Variants in ELMO1 observed in about 807,000 individuals in gnomAD.
ELMO1 encodes engulfment and cell motility 1.
A neutral mutation model predicts 98.9 loss-of-function variants in ELMO1; 26 were observed. The ratio of observed to expected loss-of-function variants is 0.26; its 90% CI spans 0.19 to 0.36. ELMO1 has a LOEUF of 0.36. Ranked by LOEUF, ELMO1 falls within the 10% of genes least tolerant of loss-of-function variation. The pLI, the probability that ELMO1 is intolerant of heterozygous loss-of-function variation, is 1.00. For synonymous variants in ELMO1, 346 were observed against 346.0 expected, an observed-to-expected ratio of 1.00 and a Z score of 0.00; for missense variants, 627 against 935.2, an observed-to-expected ratio of 0.67 and a Z score of 4.30.
At chr7:37,216,452 G>A (rs1349315001) in intron 11 of ELMO1, among the ~76,000 whole-genome samples, 193 bp downstream of exon 11, 1 of 152,060 alleles carries the variant, frequency 6.6e-6, no homozygotes, top group African/African-American at 2.4e-5. Flanking sequence ...CCAATCCAAT[G>A]AGGCAATTCC....
intron 1 of ELMO1, among the ~76,000 whole-genome samples, chr7:37,413,658 C>T (rs1804087436): frequency 6.6e-6 from 1 of 152,132 alleles, no homozygotes; most frequent in South Asian, 2.1e-4. Flanking sequence ...CAGGAAAACA[C>T]CCTTCAGCAC....
chr7:37,437,476 G>T (rs1442619461), intron 1 of ELMO1, among the ~76,000 whole-genome samples: 1 of 152,128 alleles, frequency 6.6e-6, no homozygotes, highest in East Asian at 1.9e-4. Context: ...TTAACAGTTG[G>T]TACTTCTCCT....
At chr7:37,098,574 G>A (rs1464099963) in intron 14 of ELMO1, among the ~76,000 whole-genome samples, 2 of 152,156 alleles carry the variant, frequency 1.3e-5, no homozygotes, top group African/African-American at 4.8e-5. Flanking sequence ...CCACTGAGGT[G>A]AGCTGGGCAG....
intron 8 of ELMO1, among the ~76,000 whole-genome samples, chr7:37,225,668 T>C (rs1021111192): frequency 1.3e-5 from 2 of 152,228 alleles, no homozygotes; most frequent in African/African-American, 4.8e-5. Context: ...AAGTGAGCAG[T>C]ACTAAAAGTT....
At chr7:37,439,037 C>T (rs763531018) in intron 1 of ELMO1, among the ~76,000 whole-genome samples, 14 of 152,252 alleles carry the variant, frequency 9.2e-5, no homozygotes. Flanking sequence ...CAACCTGTCT[C>T]CTAGTTGCAT....
In ELMO1 at chr7:37,213,456, T is replaced by C. The variant is rs1793095898; in HGVS notation, c.833A>G (p.His278Arg). 2 of 1,609,478 alleles carry C rather than the reference T, an allele frequency of 1.2e-6. No homozygotes were observed. The highest frequency in any genetic ancestry group is 1.7e-6 in the Non-Finnish European group (2 of 1,178,740). Residue 278 changes from histidine (H) to arginine (R), a missense_variant and splice_region_variant, in exon 12 of 22, where the codon CAT (histidine) becomes CGT (arginine). Around this residue, in one of 3 missense-constraint regions of ELMO1, gnomAD observed 492 missense variants for 715.6 expected, o/e 0.69. Transcript: ENST00000310758. ...GATGGCCCGCTGGGCTCGGATGACA[T>C]GCTAGGGAGATGGTTCACAAATGAA... ...QKQLRSIILT[H>R]VIRAQRAINN...
chr7:37,121,881 G>A (rs1180829782), intron 14 of ELMO1, among the ~76,000 whole-genome samples: 1 of 152,200 alleles, frequency 6.6e-6, no homozygotes, highest in African/African-American at 2.4e-5. Context: ...AGGGCAGCCA[G>A]AGAGAAAGGA....
At chr7:37,352,727 C>T (rs550435045) in intron 1 of ELMO1, among the ~76,000 whole-genome samples, 1 of 152,104 alleles carries the variant, frequency 6.6e-6, no homozygotes, top group Non-Finnish European at 1.5e-5. Context: ...GAAAGTAGCC[C>T]AATTCTTTTG....
intron 15 of ELMO1, among the ~76,000 whole-genome samples, chr7:37,091,387 G>A (rs370016960): frequency 1.1e-4 from 16 of 152,286 alleles, no homozygotes; most frequent in African/African-American, 3.1e-4. Flanking sequence ...GATTACAGGC[G>A]TGAGCTACCA....
chr7:37,288,181 A>G (rs1272018641), intron 4 of ELMO1, among the ~76,000 whole-genome samples: 1 of 150,282 alleles, frequency 6.7e-6, no homozygotes, highest in Non-Finnish European at 1.5e-5. Flanking sequence ...GTGGGTCTCA[A>G]ACTCCTGACC....
intron 13 of ELMO1, among the ~76,000 whole-genome samples, chr7:37,148,750 G>A (rs572357559): frequency 6.6e-6 from 1 of 152,262 alleles, no homozygotes; most frequent in African/African-American, 2.4e-5. Context: ...CAGATATCAT[G>A]GCTCATTCTA....
chr7:37,250,710 T>C (rs1206597458), intron 6 of ELMO1, among the ~76,000 whole-genome samples: 2 of 144,768 alleles, frequency 1.4e-5, no homozygotes, highest in East Asian at 2.0e-4. Flanking sequence ...GAGAATGGCA[T>C]GAACCGGGGA....
chr7:37,264,901 C>T (rs1438125576), intron 5 of ELMO1, among the ~76,000 whole-genome samples: 1 of 152,106 alleles, frequency 6.6e-6, no homozygotes, highest in Admixed American at 6.6e-5. Context: ...TCCATGATGC[C>T]AATTAAAAAG....
At chr7:37,000,228 T>C (rs1290298710) in intron 16 of ELMO1, among the ~76,000 whole-genome samples, 14 of 152,248 alleles carry the variant, frequency 9.2e-5, no homozygotes, top group Admixed American at 7.8e-4. Context: ...CCTTTTCTAC[T>C]TCTGCTTTAA....
chr7:36,903,256 C>A (rs1192662406), intron 16 of ELMO1, among the ~76,000 whole-genome samples: 2 of 152,212 alleles, frequency 1.3e-5, no homozygotes, highest in Admixed American at 1.3e-4. Context: ...ATTTGTCAAG[C>A]CTAGGCCTAG....
At chr7:37,190,787 A>G (rs2130146422) in intron 13 of ELMO1, among the ~76,000 whole-genome samples, 1 of 152,294 alleles carries the variant, frequency 6.6e-6, no homozygotes, top group East Asian at 1.9e-4. Flanking sequence ...GGCGTGAGCC[A>G]CTGCACCCAA....
chr7:36,878,477 A>G (rs906403793), intron 18 of ELMO1, among the ~76,000 whole-genome samples: 1 of 133,280 alleles, frequency 7.5e-6, no homozygotes, highest in African/African-American at 2.6e-5. Flanking sequence ...GGAGATATAG[A>G]AAAAAAAACA....
chr7:37,301,346 C>A (rs1397224944), intron 4 of ELMO1, among the ~76,000 whole-genome samples: 3 of 138,768 alleles, frequency 2.2e-5, no homozygotes, highest in Non-Finnish European at 4.7e-5. Flanking sequence ...AAAAAAAAAA[C>A]TATTGGAAGA....
intron 13 of ELMO1, among the ~76,000 whole-genome samples, chr7:37,209,605 G>T (rs1182555354): frequency 6.6e-6 from 1 of 152,184 alleles, no homozygotes; most frequent in African/African-American, 2.4e-5. Flanking sequence ...TGACTTGAGG[G>T]TAAGAGAGAT....
Sources: gnomAD v4.1 joint callset for allele counts (sites outside exome capture counted in the v4.1 genomes callset) on GRCh38, gnomAD v4.1.1 for gene constraint, gnomAD v4.1.1 regional missense constraint, MANE v1.5 for transcripts, NCBI Gene and HGNC (gene_info 2026-07-23, HGNC 2026-07-21) for gene names.